PDGFC: variants seen among roughly 807,000 people sequenced by gnomAD.
The protein encoded by PDGFC is platelet derived growth factor C.
Under a neutral mutation model 35.5 loss-of-function variants are expected in PDGFC, and 12 were observed. The ratio of observed to expected loss-of-function variants is 0.34; its 90% confidence interval spans 0.22 to 0.55. PDGFC has a LOEUF of 0.55. PDGFC is among the 20% of genes least tolerant of loss of function. The pLI is 0.91. For missense variants in PDGFC, 322 were observed against 412.4 expected (o/e 0.78, Z 1.90); for synonymous variants, 159 against 148.8 (o/e 1.07, Z -0.50).
In PDGFC at chr4:156,772,788, G is replaced by T. The variant is rs1041162351; in HGVS notation, c.601C>A (p.Arg201=). Residue 201 remains arginine, a synonymous_variant, in exon 4 of 6, where the codon CGA becomes AGA. Transcript: ENST00000502773. ...TAFSTLEDLI[R]YLEPERWQLD... is the part of the protein sequence containing the mutation. ...TGCCATCTCTCTGGTTCAAGATATC[G>T]AATAAGGTCTTCCAAGGTACTAAAG... is the stretch of plus-strand genomic sequence containing the variant. The T allele has an allele frequency of 1.9e-6, 3 of 1,612,436 alleles. No individual in the cohort carries two copies. Among genetic ancestry groups the T allele is most frequent in the Admixed American group, 3.3e-5 (2 of 59,982 alleles).
chr4:156,868,438 A>G (rs1361259095), intron 1 of PDGFC, among the ~76,000 whole-genome samples: 1 of 152,194 alleles, frequency 6.6e-6, no homozygotes, highest in Non-Finnish European at 1.5e-5. Flanking sequence ...TCTGTCACCA[A>G]CATTTAAAAC....
chr4:156,942,015 T>C (rs1731819948), intron 1 of PDGFC, among the ~76,000 whole-genome samples: 1 of 152,088 alleles, frequency 6.6e-6, no homozygotes. Flanking sequence ...ATTTCCAAGA[T>C]TTTATAAAAG....
At chr4:156,859,610 C>A (rs10517654) in intron 1 of PDGFC, among the ~76,000 whole-genome samples, 16,095 of 152,064 alleles carry the variant, frequency 0.11, 1,152 homozygotes, top group South Asian at 0.44. Flanking sequence ...AACATCCTAT[C>A]CATTCAGCCC....
chr4:156,922,701 T>C (rs1055550779), intron 1 of PDGFC, among the ~76,000 whole-genome samples: 2 of 152,102 alleles, frequency 1.3e-5, no homozygotes, highest in African/African-American at 4.8e-5. Context: ...AAGATTATGG[T>C]GAACACAGCT....
At chr4:156,793,139 G>A (rs980883254) in intron 3 of PDGFC, among the ~76,000 whole-genome samples, 3 of 152,060 alleles carry the variant, frequency 2.0e-5, no homozygotes, top group East Asian at 3.9e-4. Context: ...GTAAAATTCT[G>A]AAAAGCTATC....
At chr4:156,827,732 T>A (rs1728814292) in intron 2 of PDGFC, among the ~76,000 whole-genome samples, 1 of 152,142 alleles carries the variant, frequency 6.6e-6, no homozygotes. Context: ...CGTACATACA[T>A]ACACACACAT....
At position 156,763,000 on chromosome 4, in the gene PDGFC, G is replaced by A. The variant is rs1290144263; in HGVS notation, c.*90C>T. On this transcript the variant is annotated 3_prime_UTR_variant, in exon 6 of 6. Coordinates refer to ENST00000502773, the MANE Select transcript of PDGFC (RefSeq NM_016205.3). The stretch of plus-strand genomic sequence containing the variant: ...AAAGGTCCTTGAAGCAAACAACTGA[G>A]ATTAAGGATGGAGATAACGCATACG... 13 of 722,980 alleles carry A rather than the reference G, an allele frequency of 1.8e-5. No individual in the cohort carries two copies. In the East Asian group the frequency reaches 3.0e-4, roughly 17 times the overall value. 44.8% of individuals were successfully genotyped at this position (722,980 alleles called of 1,614,324 possible).
intron 3 of PDGFC, among the ~76,000 whole-genome samples, chr4:156,777,698 T>C (rs756698770): frequency 6.6e-6 from 1 of 152,192 alleles, no homozygotes; most frequent in Non-Finnish European, 1.5e-5. Flanking sequence ...AAGGCAGCCC[T>C]AGAATGCTAA....
At chr4:156,890,264 G>C (rs1730472256) in intron 1 of PDGFC, among the ~76,000 whole-genome samples, 1 of 151,906 alleles carries the variant, frequency 6.6e-6, no homozygotes, top group Non-Finnish European at 1.5e-5. Context: ...AAAGTGGCAA[G>C]CAGAATGGCA....
chr4:156,886,606 C>T (rs114193077), intron 1 of PDGFC: 100 of 152,268 alleles, frequency 6.6e-4, no homozygotes, highest in African/African-American at 2.4e-3. Context: ...GAACATGCCC[C>T]CAGCTCTGAA....
chr4:156,829,307 T>A (rs1203160938), intron 2 of PDGFC, among the ~76,000 whole-genome samples: 2 of 152,114 alleles, frequency 1.3e-5, no homozygotes, highest in African/African-American at 4.8e-5. Context: ...AAAACAAATA[T>A]CTTCACATAA....
chr4:156,806,649 G>C (rs1316140377), intron 3 of PDGFC, among the ~76,000 whole-genome samples: 18 of 151,806 alleles, frequency 1.2e-4, no homozygotes, highest in Admixed American at 1.2e-3. Context: ...CTTAAAAATA[G>C]GTATGGTTTA....
intron 1 of PDGFC, among the ~76,000 whole-genome samples, chr4:156,905,148 T>G (rs924232889): frequency 2.0e-5 from 3 of 152,072 alleles, no homozygotes; most frequent in African/African-American, 7.2e-5. Flanking sequence ...CATCTTGAGA[T>G]AGGCTTAGAT....
intron 3 of PDGFC, among the ~76,000 whole-genome samples, chr4:156,808,056 G>A (rs745732664): frequency 1.4e-4 from 22 of 152,096 alleles, no homozygotes; most frequent in Middle Eastern, 6.8e-3. Flanking sequence ...GTAATATAGC[G>A]TAATATATTA....
At chr4:156,832,167 C>T (rs1454786429) in intron 2 of PDGFC, among the ~76,000 whole-genome samples, 2 of 152,078 alleles carry the variant, frequency 1.3e-5, no homozygotes, top group Admixed American at 6.6e-5. Context: ...TCTCCTCCCT[C>T]CATGCACTAT....
At chr4:156,812,163 A>C (rs559657706) in intron 2 of PDGFC, among the ~76,000 whole-genome samples, 2 of 151,998 alleles carry the variant, frequency 1.3e-5, no homozygotes, top group Non-Finnish European at 2.9e-5. Flanking sequence ...ACTTGGAAAA[A>C]CATGTCACTA....
chr4:156,786,935 T>C (rs760576801), intron 3 of PDGFC, among the ~76,000 whole-genome samples: 3 of 152,106 alleles, frequency 2.0e-5, no homozygotes, highest in Non-Finnish European at 4.4e-5. Flanking sequence ...AAGGCAATGG[T>C]AGCAACAGGG....
intron 3 of PDGFC, among the ~76,000 whole-genome samples, chr4:156,798,087 G>A (rs1731498257): frequency 6.6e-6 from 1 of 152,152 alleles, no homozygotes; most frequent in African/African-American, 2.4e-5. Flanking sequence ...GGCTACTCGG[G>A]AGGCTGAGGC....
At chr4:156,935,870 A>C (rs943504201) in intron 1 of PDGFC, among the ~76,000 whole-genome samples, 4 of 152,194 alleles carry the variant, frequency 2.6e-5, no homozygotes, top group Non-Finnish European at 5.9e-5. Context: ...ACATGAATAC[A>C]AAATTATACA....
Sources: gnomAD v4.1 joint callset for allele counts (sites outside exome capture counted in the v4.1 genomes callset) on GRCh38, gnomAD v4.1.1 for gene constraint, MANE v1.5 for transcripts, NCBI Gene and HGNC (gene_info 2026-07-23, HGNC 2026-07-21) for gene names.